Variants in PITPNB observed in about 807,000 individuals in gnomAD.
The protein encoded by PITPNB is phosphatidylinositol transfer protein beta isoform.
A neutral mutation model predicts 45.9 loss-of-function variants in PITPNB; 16 were observed. That is an observed-to-expected ratio of 0.35 (90% CI 0.24 to 0.53). The LOEUF is 0.53. Among genes scored for constraint, PITPNB ranks in the 20% least tolerant of loss-of-function variants. PITPNB has a pLI of 0.93. For synonymous variants in PITPNB, 112 were observed against 108.9 expected, an observed-to-expected ratio of 1.03 and a Z score of -0.18; for missense variants, 188 against 330.5, an observed-to-expected ratio of 0.57 and a Z score of 3.34.
intron 7 of PITPNB, among the ~76,000 whole-genome samples, chr22:27,883,149 TG>T (rs755965059): frequency 3.3e-5 from 5 of 152,204 alleles, no homozygotes; most frequent in African/African-American, 7.2e-5. Context: ...GGAAGAGGGA[TG>T]GAAGAACAGC....
At position 27,915,515 on chromosome 22, in the gene PITPNB, C is replaced by T. The variant is rs187404356; in HGVS notation, c.21-1168G>A. Among the ~76,000 whole-genome samples, 3 of 152,162 alleles carry T rather than the reference C, an allele frequency of 2.0e-5. No homozygotes were observed. In the East Asian group the frequency reaches 5.8e-4, roughly 29 times the overall value. On this transcript the variant is annotated intron_variant, in intron 1 of 11. Transcript: ENST00000335272. ...CTCCTTTCTCCCTACTCTCCTCAAACATCTATGTCTGAATGTTCACATTAC... is the reference window on the plus strand; with the variant it reads ...CTCCTTTCTCCCTACTCTCCTCAAATATCTATGTCTGAATGTTCACATTAC...
At chr22:27,907,777 G>A (rs996356592) in intron 3 of PITPNB, among the ~76,000 whole-genome samples, 2 of 152,080 alleles carry the variant, frequency 1.3e-5, no homozygotes, top group Non-Finnish European at 2.9e-5. Context: ...AGAGCACCTA[G>A]GTCTCTGTCA....
chr22:27,894,619 T>C lies in PITPNB; in HGVS notation c.392A>G (p.Asn131Ser). The C allele has an allele frequency of 6.2e-7, 1 of 1,603,494 alleles. No homozygotes were observed. Among genetic ancestry groups the C allele is most frequent in the East Asian group, 2.2e-5 (1 of 44,738 alleles). The stretch of plus-strand genomic sequence containing the variant: ...GACAATTTCAACAGTTTTCCATGTG[T>C]TTGGATCTAAACCATGTACCTACCA... ...TLENVHGLDP[N>S]TWKTVEIVHI... Residue 131 changes from asparagine (N) to serine (S), a missense_variant, in exon 7 of 12, where the codon AAC becomes AGC. Asn to Ser is a conservative substitution (Grantham distance 46). Coordinates refer to ENST00000335272, the MANE Select transcript of PITPNB (RefSeq NM_012399.5).
intron 10 of PITPNB, among the ~76,000 whole-genome samples, chr22:27,855,278 C>T (rs903934705): frequency 5.2e-4 from 79 of 152,220 alleles, no homozygotes; most frequent in Middle Eastern, 3.4e-3. Context: ...TTGCATAGTC[C>T]CTAGGCCAGA....
chr22:27,874,373 C>G (rs527452993), intron 7 of PITPNB, among the ~76,000 whole-genome samples: 31 of 152,276 alleles, frequency 2.0e-4, no homozygotes, highest in African/African-American at 7.2e-4. Flanking sequence ...CCCTGGGATA[C>G]ACATGGCTTG....
At chr22:27,909,258 G>A (rs1027681214) in intron 3 of PITPNB, among the ~76,000 whole-genome samples, 7 of 134,650 alleles carry the variant, frequency 5.2e-5, no homozygotes, top group Admixed American at 2.6e-4. Context: ...GTGGAGATGA[G>A]GTCCCACTAT....
intron 2 of PITPNB, among the ~76,000 whole-genome samples, chr22:27,913,784 A>G (rs1936001541): frequency 6.6e-6 from 1 of 152,238 alleles, no homozygotes; most frequent in Non-Finnish European, 1.5e-5. Context: ...AGATGAAATA[A>G]AAGTGCTTGT....
chr22:27,903,712 G>A (rs1935676412), intron 3 of PITPNB, among the ~76,000 whole-genome samples: 1 of 146,788 alleles, frequency 6.8e-6, no homozygotes, highest in African/African-American at 2.5e-5. Flanking sequence ...GGAGTTCAAG[G>A]CTACAGTGAG....
At chr22:27,900,521 T>C (rs1197075112) in intron 3 of PITPNB, among the ~76,000 whole-genome samples, 1 of 152,352 alleles carries the variant, frequency 6.6e-6, no homozygotes, top group African/African-American at 2.4e-5. Context: ...ATGTTTTGAC[T>C]GAGTTAATAA....
At chr22:27,913,866 C>A (rs1240555353) in intron 2 of PITPNB, among the ~76,000 whole-genome samples, 1 of 152,194 alleles carries the variant, frequency 6.6e-6, no homozygotes, top group Non-Finnish European at 1.5e-5. Flanking sequence ...CAAGACAGAA[C>A]AGGCTTATTT....
At chr22:27,896,479 T>C (rs1486023952) in intron 6 of PITPNB, 73 bp downstream of exon 6, 5 of 981,624 alleles carry the variant, frequency 5.1e-6, no homozygotes, top group East Asian at 2.4e-5. Context: ...ACTTTGATGA[T>C]GACAAAGTGA....
At chr22:27,855,926 C>G (rs1934159981) in intron 10 of PITPNB, among the ~76,000 whole-genome samples, 1 of 152,198 alleles carries the variant, frequency 6.6e-6, no homozygotes, top group South Asian at 2.1e-4. Flanking sequence ...AATGGGATGC[C>G]TCTTCAGGAG....
intron 3 of PITPNB, among the ~76,000 whole-genome samples, chr22:27,907,310 C>T (rs1160930323): frequency 6.6e-6 from 1 of 152,148 alleles, no homozygotes; most frequent in African/African-American, 2.4e-5. Context: ...TCCTGCAGAA[C>T]AGTGAAGGCC....
intron 3 of PITPNB, among the ~76,000 whole-genome samples, chr22:27,901,313 A>G (rs943374160): frequency 5.9e-5 from 9 of 152,168 alleles, no homozygotes; most frequent in Admixed American, 1.3e-4. Flanking sequence ...TTTTAATCCT[A>G]TTCCTGAGAT....
At chr22:27,867,599 G>A (rs1023571645) in intron 8 of PITPNB, among the ~76,000 whole-genome samples, 9 of 152,136 alleles carry the variant, frequency 5.9e-5, no homozygotes, top group African/African-American at 2.2e-4. Context: ...AGAGGACTAT[G>A]TTAAATGCTT....
chr22:27,866,369 T>G (rs1934485059), intron 8 of PITPNB, among the ~76,000 whole-genome samples: 1 of 152,174 alleles, frequency 6.6e-6, no homozygotes. Context: ...TAGGTTACTC[T>G]AAGGTATGTG....
At position 27,873,824 on chromosome 22, in the gene PITPNB, C is replaced by A. The variant is rs1934740023; in HGVS notation, c.457-9G>T. 1.3e-6 allele frequency: 2 copies of A among 1,597,170 alleles called. No homozygotes were observed. The highest frequency in any genetic ancestry group is 1.7e-5 in the Admixed American group (1 of 59,960). Reference sequence around the variant, plus strand: ...TCATCAGCTTTGTAGTCCTGCAAAGCAAAACAAAGTCAGAGGCAGAGAAGA... The same window carrying A: ...TCATCAGCTTTGTAGTCCTGCAAAGAAAAACAAAGTCAGAGGCAGAGAAGA... On this transcript the variant is annotated splice_polypyrimidine_tract_variant and intron_variant, in intron 7 of 11. Transcript: ENST00000335272.
chr22:27,909,937 G>A (rs1935871496), intron 3 of PITPNB, among the ~76,000 whole-genome samples: 1 of 148,746 alleles, frequency 6.7e-6, no homozygotes. Context: ...ACACCACCAT[G>A]CCCCACTAAT....
rs573756069 is a variant in PITPNB, at chr22:27,856,526, A to C, written c.769-1587T>G. Among the ~76,000 whole-genome samples, 10 of 152,342 alleles carry C rather than the reference A, an allele frequency of 6.6e-5. 1 individual carries two copies. The South Asian group carries it at 2.1e-3, about 32-fold the overall frequency. ...TCCCTGGGGGAAGAAATCTCAGTCA[A>C]GTTCTGTCCAAGGGGTCCAGAGATA... On this transcript the variant is annotated intron_variant, in intron 10 of 11. Transcript: ENST00000335272.
Sources: gnomAD v4.1 joint callset for allele counts (sites outside exome capture counted in the v4.1 genomes callset) on GRCh38, gnomAD v4.1.1 for gene constraint, MANE v1.5 for transcripts, NCBI Gene and HGNC (gene_info 2026-07-23, HGNC 2026-07-21) for gene names.